CHD7: variants seen among roughly 807,000 people sequenced by gnomAD.
CHD7 encodes the protein ATP-dependent chromatin remodeler CHD7.
In CHD7, 24 loss-of-function variants were observed where a neutral mutation model predicts 307.3. That is an observed-to-expected ratio of 0.08 (90% confidence interval 0.06 to 0.11). The LOEUF is 0.11. CHD7 is among the 10% of genes least tolerant of loss of function. The pLI, the probability that CHD7 is intolerant of heterozygous loss-of-function variation, is 1.00. For synonymous variants in CHD7, 1,363 were observed against 1,349.9 expected (o/e 1.01, Z -0.21); for missense variants, 3,106 against 3,727.1 (o/e 0.83, Z 4.34).
In CHD7 at chr8:60,853,184, T is replaced by C. The variant is rs1484332534; in HGVS notation, c.6459T>C (p.Thr2153=). 17 of 1,613,746 alleles carry C rather than the reference T, an allele frequency of 1.1e-5. No homozygotes were observed. The highest frequency in any genetic ancestry group is 1.4e-5 in the Non-Finnish European group (16 of 1,179,860). The part of the protein sequence containing the change: ...LNPLAVGFVQ[T]PPVISSAHIQ... Reference sequence around the variant, plus strand: ...CACTGGCAGTTGGATTTGTCCAGACTCCTCCAGTCATCTCATCTGCTCATA... The same window carrying C: ...CACTGGCAGTTGGATTTGTCCAGACCCCTCCAGTCATCTCATCTGCTCATA... Residue 2153 remains threonine, a synonymous_variant, in exon 31 of 38, where the codon ACT becomes ACC. Transcript: ENST00000423902.
intron 2 of CHD7, among the ~76,000 whole-genome samples, chr8:60,752,123 C>T (rs915984087): frequency 2.6e-5 from 4 of 152,134 alleles, no homozygotes; most frequent in East Asian, 1.9e-4. Context: ...CCATAGGTTT[C>T]GGGAGTCCTA....
At chr8:60,754,894 A>G (rs1809815982) in intron 2 of CHD7, among the ~76,000 whole-genome samples, 2 of 152,232 alleles carry the variant, frequency 1.3e-5, no homozygotes, top group South Asian at 4.1e-4. Flanking sequence ...AAAGTTCAGT[A>G]GTACTAAGTC....
intron 4 of CHD7, among the ~76,000 whole-genome samples, chr8:60,795,369 AAG>A (rs1182053538): frequency 1.3e-5 from 2 of 152,204 alleles, no homozygotes; most frequent in African/African-American, 4.8e-5. Context: ...TAATAAGGCA[AAG>A]ATTCTTCATT....
intron 37 of CHD7, chr8:60,864,638 T>C (rs1028833423): frequency 3.2e-5 from 7 of 221,784 alleles, no homozygotes; most frequent in African/African-American, 4.6e-5. Flanking sequence ...TTTTAAAATA[T>C]ACAGTAAATT....
chr8:60,809,871 G>GAA (rs1812717476), intron 7 of CHD7, among the ~76,000 whole-genome samples: 1 of 152,048 alleles, frequency 6.6e-6, no homozygotes, highest in Admixed American at 6.6e-5. Flanking sequence ...GTATCTTCCG[G>GAA]AAAGATACTT....
intron 1 of CHD7, among the ~76,000 whole-genome samples, chr8:60,723,474 C>T (rs1481857362): frequency 1.3e-5 from 2 of 152,130 alleles, no homozygotes; most frequent in East Asian, 1.9e-4. Context: ...GACATTTAAC[C>T]ACTATCTAGA....
intron 1 of CHD7, among the ~76,000 whole-genome samples, chr8:60,714,087 C>CTGGACGCTGAGACTG (rs1807422420): frequency 7.0e-6 from 1 of 143,816 alleles, no homozygotes; most frequent in African/African-American, 2.5e-5. Flanking sequence ...AGCCAGGCCT[C>CTGGACGCTGAGACTG]GGCGGGCGGG....
In CHD7 at chr8:60,852,897, A is replaced by C; in HGVS notation, c.6172A>C (p.Ile2058Leu). ...EERASRTLYR[I>L]ELLRKIREQV... ...GCGAGCCTCTCGAACTCTGTACCGC[A>C]TTGAGCTGCTACGGAAGATCCGCGA... The change falls in exon 31 of 38, where the codon ATT becomes CTT. Residue 2058 changes from isoleucine (I) to leucine (L), a missense_variant. Ile to Leu is a conservative substitution (Grantham distance 5). Around this residue, in one of 10 missense-constraint regions of CHD7, gnomAD observed 1,030 missense variants for 1,165.4 expected, o/e 0.88. Coordinates refer to ENST00000423902, the MANE Select transcript of CHD7 (RefSeq NM_017780.4). 4 of 1,613,974 alleles carry C rather than the reference A, an allele frequency of 2.5e-6. No homozygotes were observed. Among genetic ancestry groups the C allele is most frequent in the Non-Finnish European group, 3.4e-6 (4 of 1,179,894 alleles).
intron 15 of CHD7, among the ~76,000 whole-genome samples, chr8:60,833,464 C>T (rs945861456): frequency 6.6e-6 from 1 of 151,880 alleles, no homozygotes; most frequent in Non-Finnish European, 1.5e-5. Flanking sequence ...AAAGAAAACA[C>T]GAATGAGGCT....
intron 7 of CHD7, among the ~76,000 whole-genome samples, chr8:60,816,075 C>T (rs1803721915): frequency 6.6e-6 from 1 of 151,230 alleles, no homozygotes; most frequent in African/African-American, 2.5e-5. Context: ...TTAGGCCATT[C>T]TCTCTCTTCT....
intron 1 of CHD7, among the ~76,000 whole-genome samples, chr8:60,725,753 G>T (rs1386587866): frequency 6.6e-6 from 1 of 152,148 alleles, no homozygotes; most frequent in Non-Finnish European, 1.5e-5. Context: ...GACCTGTTTA[G>T]GAGTAAAGGG....
rs1371595065 is a variant in CHD7 at position 60,777,077 on chromosome 8, GCCT to G, written c.1666-3915_1666-3913del. On this transcript the variant is annotated intron_variant, in intron 2 of 37. Transcript: ENST00000423902. ...TCTTATTTTCTCTGAGAGCACAAGTGCCTCCTCCTCATTGCCTCCCTTTAGCTT... is the reference window on the plus strand; with the variant it reads ...TCTTATTTTCTCTGAGAGCACAAGTGCCTCCTCATTGCCTCCCTTTAGCTT... Among the ~76,000 whole-genome samples the G allele has an allele frequency of 9.2e-5, 14 of 152,260 alleles. No homozygotes were observed. In the South Asian group the frequency reaches 2.3e-3, roughly 25 times the overall value.
chr8:60,785,477 A>G (rs1323546171), intron 3 of CHD7, among the ~76,000 whole-genome samples: 2 of 152,186 alleles, frequency 1.3e-5, no homozygotes. Flanking sequence ...CTTTTTGCAA[A>G]TCATACTATC....
intron 2 of CHD7, among the ~76,000 whole-genome samples, chr8:60,770,904 C>T (rs553785287): frequency 2.0e-5 from 3 of 152,306 alleles, no homozygotes; most frequent in South Asian, 2.1e-4. Flanking sequence ...TGAGCAACAA[C>T]GATTAGGTAG....
chr8:60,801,136 C>A (rs1812291204), intron 5 of CHD7, among the ~76,000 whole-genome samples: 1 of 152,006 alleles, frequency 6.6e-6, no homozygotes, highest in African/African-American at 2.4e-5. Context: ...TTTTATGTGA[C>A]CTCCATAGAT....
chr8:60,856,187 T>G lies in CHD7; in HGVS notation c.7149T>G (p.Ser2383=). The change falls in exon 33 of 38, where the codon TCT becomes TCG. Residue 2383 remains serine (S), a synonymous_variant. Coordinates refer to ENST00000423902, the MANE Select transcript of CHD7 (RefSeq NM_017780.4). ...SISGSEDITT[S]PQLSKEDALN... ...GTGGGAGTGAGGACATCACTACGTC[T>G]CCTCAGTTGTCAAAGGTGAATTAGA... 1.9e-6 allele frequency: 3 copies of G among 1,588,382 alleles called. No homozygotes were observed. The highest frequency in any genetic ancestry group is 2.6e-6 in the Non-Finnish European group (3 of 1,166,272).
intron 1 of CHD7, among the ~76,000 whole-genome samples, chr8:60,702,368 C>A (rs1222614903): frequency 6.6e-6 from 1 of 152,154 alleles, no homozygotes; most frequent in East Asian, 1.9e-4. Flanking sequence ...ACTAGGTATC[C>A]CCCCTACTTT....
chr8:60,750,804 C>G (rs977536227), intron 2 of CHD7, among the ~76,000 whole-genome samples: 2 of 152,134 alleles, frequency 1.3e-5, no homozygotes, highest in African/African-American at 4.8e-5. Context: ...GCTGCAAATT[C>G]TTTTTAAAAA....
Position 60,781,398 on chromosome 8 carries a change from C to A in CHD7, c.2064C>A (p.Ala688=). 6.6e-7 allele frequency: 1 copy of A among 1,526,554 alleles called. No individual in the cohort carries two copies. Among genetic ancestry groups the A allele is most frequent in the Admixed American group, 2.4e-5 (1 of 40,916 alleles). The allele number at this position is 1,526,554 out of a possible 1,614,324, so 94.6% of individuals were successfully genotyped here. A position where few individuals can be genotyped will look rare whatever the true frequency, so the allele number is the denominator to read the frequency against. The change falls in exon 3 of 38, where the codon GCC becomes GCA. Residue 688 remains alanine, a synonymous_variant. Coordinates refer to ENST00000423902, the MANE Select transcript of CHD7 (RefSeq NM_017780.4). ...CAAAGGAAAAGAAAGCAAAAACTGCCACGCCAAAACCCAAATCCAGCAAAA... is the reference window on the plus strand; with the variant it reads ...CAAAGGAAAAGAAAGCAAAAACTGCAACGCCAAAACCCAAATCCAGCAAAA... ...KEPKEKKAKT[A]TPKPKSSKKS...
Sources: allele counts gnomAD v4.1 joint callset (sites outside exome capture counted in the v4.1 genomes callset), GRCh38; gene constraint gnomAD v4.1.1; regional missense constraint gnomAD v4.1.1; transcripts MANE v1.5; gene names NCBI Gene and HGNC (gene_info 2026-07-23, HGNC 2026-07-21).